Variants in LAMA3 observed in about 807,000 individuals in gnomAD.
The protein encoded by LAMA3 is laminin subunit alpha 3.
LAMA3 carries 281 observed loss-of-function variants against 402.0 expected under a neutral mutation model. The observed-to-expected ratio is 0.70, with a 90% CI of 0.63 to 0.77. The LOEUF (loss-of-function observed/expected upper bound fraction) is 0.77. Ranked by LOEUF, LAMA3 falls within the 30% of genes least tolerant of loss-of-function variation. LAMA3 has a pLI of 0.00. For synonymous variants in LAMA3, 1,431 were observed against 1,558.4 expected (o/e 0.92, Z 1.93); for missense variants, 3,840 against 4,215.5 (o/e 0.91, Z 2.47).
intron 65 of LAMA3, chr18:23,931,523 A>T (rs2082164009): frequency 4.2e-6 from 1 of 238,634 alleles, no homozygotes; most frequent in Admixed American, 5.2e-5. Flanking sequence ...AATGTAAATA[A>T]ATAAAATTTT....
rs1057516584 is a variant in LAMA3, at chr18:23,899,067, T to C, written c.5836+2T>C. 6.2e-7 allele frequency: 1 copy of C among 1,607,022 alleles called. No homozygotes were observed. The highest frequency in any genetic ancestry group is 8.5e-7 in the Non-Finnish European group (1 of 1,173,648). On this transcript the variant is annotated splice_donor_variant, in intron 46 of 74. Coordinates refer to ENST00000313654, the MANE Select transcript of LAMA3 (RefSeq NM_198129.4). LOFTEE classifies it high-confidence loss of function. ...AAAATGTCATCCGGAATGTGCACAG[T>C]AAGAAGAGTTATTAAGCCCAATTAC...
chr18:23,876,157 C>T (rs1252573948), intron 38 of LAMA3, 137 bp from the exon 39 acceptor site: 1 of 682,710 alleles, frequency 1.5e-6, no homozygotes, highest in East Asian at 2.8e-5. Context: ...TCACTACACT[C>T]CAGCCTGGGC....
chr18:23,694,874 G>A (rs1433210474), intron 1 of LAMA3, among the ~76,000 whole-genome samples: 1 of 152,176 alleles, frequency 6.6e-6, no homozygotes, highest in South Asian at 2.1e-4. Context: ...CCATAGAGTA[G>A]AATTCCTGTG....
At chr18:23,711,483 C>T (rs567497198) in intron 1 of LAMA3, among the ~76,000 whole-genome samples, 2 of 152,258 alleles carry the variant, frequency 1.3e-5, no homozygotes, top group East Asian at 3.9e-4. Flanking sequence ...ATGAAAGAGA[C>T]CTTCAGGCTA....
intron 25 of LAMA3, among the ~76,000 whole-genome samples, chr18:23,838,257 GT>G (rs1293096150): frequency 3.9e-5 from 6 of 152,170 alleles, no homozygotes; most frequent in African/African-American, 1.4e-4. Flanking sequence ...TAATGACTAA[GT>G]TTTTTTGTGT....
At chr18:23,929,382 T>A (rs2082096866) in intron 64 of LAMA3, among the ~76,000 whole-genome samples, 1 of 152,268 alleles carries the variant, frequency 6.6e-6, no homozygotes, top group African/African-American at 2.4e-5. Flanking sequence ...ATTTGTGGAA[T>A]GAGTGGAATT....
chr18:23,844,557 A>G (rs1342510716), intron 29 of LAMA3, among the ~76,000 whole-genome samples: 1 of 152,158 alleles, frequency 6.6e-6, no homozygotes, highest in Non-Finnish European at 1.5e-5. Context: ...GGAACTCATC[A>G]TTCCCTGCAC....
Position 23,824,479 on chromosome 18 carries a change from A to G in LAMA3, c.2485A>G (p.Thr829Ala), listed in dbSNP as rs756589972. The G allele has an allele frequency of 1.2e-6, 2 of 1,614,150 alleles. No individual in the cohort carries two copies. The highest frequency in any genetic ancestry group is 1.7e-5 in the Admixed American group (1 of 60,022). The stretch of plus-strand genomic sequence containing the variant: ...GCCGAGTAAGGAGCCAGCCTTTGTC[A>G]CTGTCCCTGGAAATGGTTTTGCAGA... ...FLPSKEPAFVTVPGNGFADPF... is the reference protein window; with the variant it reads ...FLPSKEPAFVAVPGNGFADPF... Residue 829 changes from threonine (T) to alanine (A), a missense_variant, in exon 21 of 75, where the codon ACT becomes GCT. By Grantham distance (58) the Thr-to-Ala change is moderately conservative. Around this residue, in one of 3 missense-constraint regions of LAMA3, gnomAD observed 2,109 missense variants for 2,376.0 expected, o/e 0.89. Transcript: ENST00000313654.
chr18:23,861,939 T>A, intron 35 of LAMA3, 132 bp downstream of exon 35: 1 of 1,035,748 alleles, frequency 9.7e-7, no homozygotes, highest in East Asian at 2.6e-5. Context: ...TGAGCTGAAC[T>A]AAAAGTGAGG....
chr18:23,909,075 T>C, intron 54 of LAMA3, 78 bp from the exon 55 acceptor site: 1 of 1,394,868 alleles, frequency 7.2e-7, no homozygotes, highest in Non-Finnish European at 1.0e-6. Context: ...ACTTGACAAA[T>C]ACTGTCAGTA....
At chr18:23,921,165 T>C (rs926319846) in intron 61 of LAMA3, 111 bp downstream of exon 61, 1 of 1,255,608 alleles carries the variant, frequency 8.0e-7, no homozygotes, top group African/African-American at 1.5e-5. Context: ...GATAAACTTA[T>C]GGATGTTAAC....
intron 20 of LAMA3, 39 bp from the exon 21 acceptor site, chr18:23,824,384 T>A: frequency 6.2e-7 from 1 of 1,610,676 alleles, no homozygotes; most frequent in Non-Finnish European, 8.5e-7. Context: ...CACTGACTGA[T>A]AGAAAAATGC....
intron 63 of LAMA3, 90 bp downstream of exon 63, chr18:23,928,330 T>C: frequency 1.2e-6 from 1 of 840,412 alleles, no homozygotes; most frequent in Non-Finnish European, 2.0e-6. Context: ...GACTTCTTTC[T>C]GATAGCACAC....
chr18:23,927,388 C>G (rs1374265657), intron 62 of LAMA3, among the ~76,000 whole-genome samples: 1 of 152,130 alleles, frequency 6.6e-6, no homozygotes, highest in Non-Finnish European at 1.5e-5. Context: ...AGCCTGATCT[C>G]GAACACCTGA....
At chr18:23,893,047 T>G (rs959139852) in intron 42 of LAMA3, among the ~76,000 whole-genome samples, 1 of 152,010 alleles carries the variant, frequency 6.6e-6, no homozygotes, top group Admixed American at 6.6e-5. Context: ...TTTATTTCAT[T>G]TTTCTGACTT....
chr18:23,885,704 C>A (rs1017663571), intron 41 of LAMA3, among the ~76,000 whole-genome samples: 1 of 152,076 alleles, frequency 6.6e-6, no homozygotes, highest in South Asian at 2.1e-4. Context: ...ATATGGTTTA[C>A]ATATTTTAAA....
intron 12 of LAMA3, among the ~76,000 whole-genome samples, chr18:23,784,886 C>G (rs1446679008): frequency 1.3e-5 from 2 of 152,056 alleles, no homozygotes; most frequent in Non-Finnish European, 2.9e-5. Flanking sequence ...GATTATCAGT[C>G]CAGGATCAAG....
intron 48 of LAMA3, among the ~76,000 whole-genome samples, chr18:23,902,017 G>A (rs2081087120): frequency 6.6e-6 from 1 of 152,202 alleles, no homozygotes; most frequent in Admixed American, 6.5e-5. Flanking sequence ...TTTAAATAGT[G>A]AACATTGTAT....
intron 66 of LAMA3, 143 bp from the exon 67 acceptor site, chr18:23,933,639 T>C: frequency 2.6e-6 from 2 of 762,228 alleles, no homozygotes; most frequent in South Asian, 3.0e-5. Flanking sequence ...ATATTCCTTC[T>C]ATCTAACTGC....
Sources: allele counts gnomAD v4.1 joint callset (sites outside exome capture counted in the v4.1 genomes callset), GRCh38; gene constraint gnomAD v4.1.1; regional missense constraint gnomAD v4.1.1; transcripts MANE v1.5; gene names NCBI Gene and HGNC (gene_info 2026-07-23, HGNC 2026-07-21).